Variants in XIRP2 observed in about 807,000 individuals in gnomAD.
The protein encoded by XIRP2 is xin actin binding repeat containing 2, also known as xin actin-binding repeat-containing protein 2.
Under a neutral mutation model 277.0 loss-of-function variants are expected in XIRP2, and 236 were observed. The observed-to-expected ratio is 0.85, with a 90% CI of 0.77 to 0.95. XIRP2 has a LOEUF of 0.95. XIRP2 is among the 40% of genes least tolerant of loss of function. The probability of loss-of-function intolerance (pLI) is 0.00; values close to 1 mark genes in which losing one functional copy is unlikely to be tolerated. For synonymous variants in XIRP2, 1,490 were observed against 1,416.5 expected, an observed-to-expected ratio of 1.05 and a Z score of -1.17; for missense variants, 4,640 against 4,157.5, an observed-to-expected ratio of 1.12 and a Z score of -3.19.
chr2:167,224,008 T>A (rs1694514034), intron 5 of XIRP2, among the ~76,000 whole-genome samples: 1 of 152,152 alleles, frequency 6.6e-6, no homozygotes, highest in African/African-American at 2.4e-5. Context: ...TCGGCTTTCA[T>A]TCCCGGAGGA....
At chr2:167,153,654 C>T (rs559766552) in intron 3 of XIRP2, among the ~76,000 whole-genome samples, 3 of 151,238 alleles carry the variant, frequency 2.0e-5, no homozygotes, top group Middle Eastern at 3.4e-3. Context: ...TGAGAATGTA[C>T]GGTGTTTGGT....
chr2:167,082,198 T>C (rs1040906054), intron 2 of XIRP2, among the ~76,000 whole-genome samples: 2 of 151,808 alleles, frequency 1.3e-5, no homozygotes, highest in African/African-American at 4.8e-5. Context: ...ATGCGGTGTT[T>C]GGTTTTTTGT....
chr2:167,102,372 A>ACATGGC (rs1690509266), intron 2 of XIRP2, among the ~76,000 whole-genome samples: 1 of 152,214 alleles, frequency 6.6e-6, no homozygotes, highest in Non-Finnish European at 1.5e-5. Context: ...ATATCTCTTA[A>ACATGGC]CATGGCCATG....
rs370320240 is a variant in XIRP2, at chr2:167,249,291, G to C, written c.7899G>C (p.Ser2633=). ...CTGATAACCAACTCTCCACAACATC[G>C]CCAGAAACAGTCGCTGCCAAGAGGC... ...VCSDNQLSTT[S]PETVAAKRLH... is the part of the protein sequence containing the mutation. The change falls in exon 9 of 11, where the codon TCG becomes TCC. Residue 2633 remains serine (S), a synonymous_variant. Coordinates refer to ENST00000409195, the MANE Select transcript of XIRP2 (RefSeq NM_152381.6). The C allele has an allele frequency of 6.2e-7, 1 of 1,613,688 alleles. No individual in the cohort carries two copies.
At chr2:167,155,529 T>C (rs565080844) in intron 3 of XIRP2, among the ~76,000 whole-genome samples, 174 of 152,308 alleles carry the variant, frequency 1.1e-3, no homozygotes, top group African/African-American at 4.1e-3. Context: ...ATAAAAGGCC[T>C]TTGACAAAAT....
chr2:167,225,051 G>C (rs899391362), intron 5 of XIRP2, among the ~76,000 whole-genome samples: 6 of 152,164 alleles, frequency 3.9e-5, no homozygotes, highest in African/African-American at 1.4e-4. Context: ...TATAATAAAT[G>C]ACAAGATAAG....
At chr2:167,107,887 A>G (rs1335594860) in intron 2 of XIRP2, among the ~76,000 whole-genome samples, 1 of 151,718 alleles carries the variant, frequency 6.6e-6, no homozygotes, top group Non-Finnish European at 1.5e-5. Context: ...TGGAATATTT[A>G]GATTATAAAT....
At chr2:167,257,402 A>G (rs779775855) in intron 10 of XIRP2, among the ~76,000 whole-genome samples, 6 of 151,998 alleles carry the variant, frequency 3.9e-5, no homozygotes, top group Admixed American at 3.9e-4. Context: ...TAAATCACTC[A>G]ATTTGTTAAT....
intron 2 of XIRP2, among the ~76,000 whole-genome samples, chr2:166,910,561 C>T (rs1356725590): frequency 1.3e-5 from 2 of 152,176 alleles, no homozygotes; most frequent in South Asian, 2.1e-4. Flanking sequence ...TTCAAAAAAC[C>T]AGCTCCTGGA....
At position 167,243,896 on chromosome 2, in the gene XIRP2, G is replaced by A; in HGVS notation, c.2504G>A (p.Gly835Asp). 6.2e-7 allele frequency: 1 copy of A among 1,613,840 alleles called. No individual in the cohort carries two copies. The highest frequency in any genetic ancestry group is 8.5e-7 in the Non-Finnish European group (1 of 1,179,884). Residue 835 changes from glycine (G) to aspartate (D), a missense_variant, in exon 9 of 11, where the codon GGT becomes GAT. Coordinates refer to ENST00000409195, the MANE Select transcript of XIRP2 (RefSeq NM_152381.6). ...EVIIEKEKII[G>D]TDVSRKCWMF... Reference sequence around the variant, plus strand: ...ATCATTGAAAAGGAAAAAATAATAGGTACAGATGTCTCCAGAAAGTGTTGG... The same window carrying A: ...ATCATTGAAAAGGAAAAAATAATAGATACAGATGTCTCCAGAAAGTGTTGG...
chr2:167,000,171 C>T (rs564833597), intron 2 of XIRP2, among the ~76,000 whole-genome samples: 1 of 152,172 alleles, frequency 6.6e-6, no homozygotes, highest in South Asian at 2.1e-4. Flanking sequence ...TATTAGAGAA[C>T]ATATCACTGA....
intron 2 of XIRP2, among the ~76,000 whole-genome samples, chr2:167,072,981 TA>T (rs1689471680): frequency 6.6e-6 from 1 of 152,144 alleles, no homozygotes; most frequent in Non-Finnish European, 1.5e-5. Context: ...AAGAAAACGA[TA>T]AAAGTAAAAT....
At chr2:166,998,864 G>A (rs1471752574) in intron 2 of XIRP2, among the ~76,000 whole-genome samples, 2 of 152,106 alleles carry the variant, frequency 1.3e-5, no homozygotes, top group African/African-American at 2.4e-5. Flanking sequence ...GAGGTCTCAT[G>A]CTGCCTGATT....
Position 167,250,872 on chromosome 2 carries a change from G to A in XIRP2, c.9480G>A (p.Ser3160=), listed in dbSNP as rs765487434. 3.7e-6 allele frequency: 6 copies of A among 1,611,956 alleles called. No homozygotes were observed. The highest frequency in any genetic ancestry group is 1.7e-4 in the Middle Eastern group (1 of 6,054). Residue 3160 remains serine, a synonymous_variant, in exon 9 of 11, where the codon TCG becomes TCA. Transcript: ENST00000409195. ...YVEPPPRRPM[S]QKSEIHRANT... is the part of the protein sequence containing the mutation. ...AACCCCCACCAAGAAGGCCCATGTC[G>A]CAAAAATCTGAAATTCACAGAGCAA...
chr2:167,148,865 G>A (rs1691936221), intron 3 of XIRP2, among the ~76,000 whole-genome samples: 1 of 152,020 alleles, frequency 6.6e-6, no homozygotes, highest in Non-Finnish European at 1.5e-5. Flanking sequence ...CAAAGTGAAA[G>A]TACAATTTTA....
rs1280346854 is a variant in XIRP2 at position 167,245,676 on chromosome 2, A to T, written c.4284A>T (p.Glu1428Asp). Residue 1428 changes from glutamate to aspartate, a missense_variant, in exon 9 of 11, where the codon GAA becomes GAT. Transcript: ENST00000409195. ...VKTSRQFFES[E>D]NFDKNNYIRT... ...CAAGTAGACAATTCTTTGAGTCTGA[A>T]AATTTTGATAAGAATAACTATATAC... 6.2e-7 allele frequency: 1 copy of T among 1,613,568 alleles called. No homozygotes were observed. Among genetic ancestry groups the T allele is most frequent in the East Asian group, 2.2e-5 (1 of 44,810 alleles).
chr2:167,238,519 C>T (rs1024298897), intron 5 of XIRP2, among the ~76,000 whole-genome samples: 1 of 151,930 alleles, frequency 6.6e-6, no homozygotes, highest in African/African-American at 2.4e-5. Context: ...CACCAAATAC[C>T]CTTGAGGGAA....
intron 2 of XIRP2, among the ~76,000 whole-genome samples, chr2:166,913,421 A>G (rs977693374): frequency 1.3e-5 from 2 of 151,936 alleles, no homozygotes; most frequent in African/African-American, 4.8e-5. Flanking sequence ...ATGGGATATA[A>G]TCTCCTGGGG....
intron 2 of XIRP2, among the ~76,000 whole-genome samples, chr2:166,908,393 G>T (rs371228318): frequency 0.024 from 3,637 of 152,162 alleles, 54 homozygotes; most frequent in Non-Finnish European, 0.036. Context: ...TCATGTGTGT[G>T]TTGGCTGCAT....
Sources: gnomAD v4.1 joint callset for allele counts (sites outside exome capture counted in the v4.1 genomes callset) on GRCh38, gnomAD v4.1.1 for gene constraint, MANE v1.5 for transcripts, NCBI Gene and HGNC (gene_info 2026-07-23, HGNC 2026-07-21) for gene names.